The following SCAMP1 variants were observed in gnomAD, a reference collection of about 807,000 sequenced individuals.
SCAMP1 encodes the protein secretory carrier membrane protein 1, also known as secretory carrier-associated membrane protein 1.
A neutral mutation model predicts 41.8 loss-of-function variants in SCAMP1; 15 were observed. The observed-to-expected ratio is 0.36, with a 90% CI of 0.24 to 0.55. The LOEUF (loss-of-function observed/expected upper bound fraction) is 0.55. Ranked by LOEUF, SCAMP1 falls within the 20% of genes least tolerant of loss-of-function variation. The probability of loss-of-function intolerance (pLI) is 0.86; values close to 1 mark genes in which losing one functional copy is unlikely to be tolerated. For synonymous variants in SCAMP1, 135 were observed against 136.8 expected, an observed-to-expected ratio of 0.99 and a Z score of 0.09; for missense variants, 341 against 412.6, an observed-to-expected ratio of 0.83 and a Z score of 1.50.
At chr5:78,404,456 T>TTTTTTTTG (rs1751882470) in intron 2 of SCAMP1, among the ~76,000 whole-genome samples, 3 of 141,540 alleles carry the variant, frequency 2.1e-5, no homozygotes, top group Non-Finnish European at 4.5e-5. Context: ...CTTACAGGTT[T>TTTTTTTTG]TTTTTTTTTT....
chr5:78,387,788 CA>C (rs1349226022), intron 1 of SCAMP1, among the ~76,000 whole-genome samples: 3 of 152,170 alleles, frequency 2.0e-5, no homozygotes, highest in Admixed American at 1.3e-4. Context: ...GGACTGTCTG[CA>C]AAGAGTCCTG....
At chr5:78,457,871 A>G (rs59827497) in intron 7 of SCAMP1, 41,659 of 154,328 alleles carry the variant, frequency 0.27, 5,945 homozygotes, top group East Asian at 0.54. Flanking sequence ...AGCCAGGTGC[A>G]GGATATAATC....
chr5:78,460,450 G>C (rs1164633453), intron 8 of SCAMP1, among the ~76,000 whole-genome samples: 1 of 152,046 alleles, frequency 6.6e-6, no homozygotes, highest in Non-Finnish European at 1.5e-5. Context: ...TAGCCATTTT[G>C]ACTGGTGTGA....
chr5:78,452,637 T>G (rs371680390), intron 7 of SCAMP1, among the ~76,000 whole-genome samples: 1 of 151,048 alleles, frequency 6.6e-6, no homozygotes, highest in African/African-American at 2.4e-5. Context: ...TGAATAATGC[T>G]GCAATAAACA....
chr5:78,447,728 A>G (rs1407409881), intron 6 of SCAMP1, among the ~76,000 whole-genome samples: 2 of 152,190 alleles, frequency 1.3e-5, no homozygotes, highest in Non-Finnish European at 2.9e-5. Context: ...CAAGATATAT[A>G]AAAGAACAAG....
At chr5:78,452,272 G>A (rs1475685829) in intron 7 of SCAMP1, among the ~76,000 whole-genome samples, 1 of 147,580 alleles carries the variant, frequency 6.8e-6, no homozygotes, top group African/African-American at 2.5e-5. Flanking sequence ...CCATGCTGGT[G>A]CGCTGCACCC....
intron 7 of SCAMP1, among the ~76,000 whole-genome samples, chr5:78,450,573 T>A (rs536477605): frequency 2.9e-4 from 44 of 152,332 alleles, no homozygotes; most frequent in African/African-American, 1.0e-3. Flanking sequence ...GGAGACTATC[T>A]GGACCCAGGC....
intron 5 of SCAMP1, among the ~76,000 whole-genome samples, chr5:78,419,901 C>G (rs1354843438): frequency 3.3e-5 from 5 of 152,144 alleles, no homozygotes; most frequent in Non-Finnish European, 5.9e-5. Flanking sequence ...GATCTAATAT[C>G]TTTTGCTGAA....
intron 6 of SCAMP1, among the ~76,000 whole-genome samples, chr5:78,435,284 G>C (rs910391371): frequency 6.6e-6 from 1 of 152,058 alleles, no homozygotes; most frequent in African/African-American, 2.4e-5. Flanking sequence ...AGTGCACAAC[G>C]TGCAGGTTTG....
At chr5:78,386,698 A>T (rs544610472) in intron 1 of SCAMP1, among the ~76,000 whole-genome samples, 11 of 152,104 alleles carry the variant, frequency 7.2e-5, no homozygotes, top group Non-Finnish European at 1.5e-4. Flanking sequence ...GGAAAAAAGT[A>T]TGTATCCTTC....
In SCAMP1 at chr5:78,421,090, A is replaced by G. The variant is rs2112146755; in HGVS notation, c.473-711A>G. 2.0e-5 allele frequency among the ~76,000 whole-genome samples: 3 copies of G among 152,332 alleles called. No homozygotes were observed. The Middle Eastern group carries it at 0.01, about 518-fold the overall frequency. ...TAGGATCATGGTATAGTTAGATGTTACTCAGATTTTTTGTTTTTGGTCTGT... is the reference window on the plus strand; with the variant it reads ...TAGGATCATGGTATAGTTAGATGTTGCTCAGATTTTTTGTTTTTGGTCTGT... On this transcript the variant is annotated intron_variant, in intron 5 of 8. Transcript: ENST00000621999.
Position 78,382,804 on chromosome 5 carries a change from TGTGTGTGTGTGTGTGC to T in SCAMP1, c.58-6031_58-6016del, listed in dbSNP as rs1287494720. ...GTGTGTGTGTGTGTGTGTGTGTGTG[TGTGTGTGTGTGTGTGC>T]GCCACATTTTCTGTATCCACTCGTT... is the stretch of plus-strand genomic sequence containing the variant. On this transcript the variant is annotated intron_variant, in intron 1 of 8. Transcript: ENST00000621999. 1.2e-3 allele frequency among the ~76,000 whole-genome samples: 166 copies of T among 136,120 alleles called. 2 individuals carry two copies. Among genetic ancestry groups the T allele is most frequent in the Middle Eastern group, 3.7e-3 (1 of 270 alleles). The allele number at this position is 136,120 out of a possible 152,430, so 89.3% of individuals were successfully genotyped here. A position where few individuals can be genotyped will look rare whatever the true frequency, so the allele number is the denominator to read the frequency against.
chr5:78,371,936 T>G (rs1228308509), intron 1 of SCAMP1, among the ~76,000 whole-genome samples: 2 of 152,148 alleles, frequency 1.3e-5, no homozygotes, highest in Non-Finnish European at 2.9e-5. Context: ...GAAGGAGGGA[T>G]TTGTGATAGT....
intron 2 of SCAMP1, among the ~76,000 whole-genome samples, chr5:78,403,980 A>AAAAAAAAG (rs1561262510): frequency 7.5e-6 from 1 of 133,710 alleles, no homozygotes; most frequent in Non-Finnish European, 1.6e-5. Context: ...AAAAAAAAAA[A>AAAAAAAAG]GGGATGGTGG....
chr5:78,446,933 C>T (rs1477484587), intron 6 of SCAMP1, among the ~76,000 whole-genome samples: 1 of 152,192 alleles, frequency 6.6e-6, no homozygotes, highest in Non-Finnish European at 1.5e-5. Context: ...TGGGCTTGTA[C>T]TGGCCAGTGA....
rs1466734435 is a variant in SCAMP1, at chr5:78,477,787, A to G, written c.*2119A>G. ...AGAGAAAATTGTTTTTTAAAAATATATGTGCATTGAAATGATGGCAATGCT... is the reference window on the plus strand; with the variant it reads ...AGAGAAAATTGTTTTTTAAAAATATGTGTGCATTGAAATGATGGCAATGCT... On this transcript the variant is annotated 3_prime_UTR_variant, in exon 9 of 9. Coordinates refer to ENST00000621999, the MANE Select transcript of SCAMP1 (RefSeq NM_004866.6). 6.6e-6 allele frequency: 1 copy of G among 152,140 alleles called. No homozygotes were observed. Among genetic ancestry groups the G allele is most frequent in the Non-Finnish European group, 1.5e-5 (1 of 67,980 alleles). The allele number at this position is 152,140 out of a possible 1,614,324, so 9.4% of individuals were successfully genotyped here.
chr5:78,403,875 G>C (rs2885616), intron 2 of SCAMP1, among the ~76,000 whole-genome samples: 67,084 of 144,670 alleles, frequency 0.46, 15,888 homozygotes, highest in Non-Finnish European at 0.51. Flanking sequence ...TGAGGCAGGA[G>C]AATTGTTTGA....
Position 78,459,305 on chromosome 5 carries a change from A to T in SCAMP1, c.795A>T (p.Ile265=). The change falls in exon 8 of 9, where the codon ATA becomes ATT. Residue 265 remains isoleucine (I), a synonymous_variant. Transcript: ENST00000621999. ...ATATTCCTGTTGGAATCATGATGAT[A>T]ATCATAGCAGCACTTTTCACAGCAT... ...NQNIPVGIMM[I]IIAALFTASA... 6.2e-7 allele frequency: 1 copy of T among 1,609,196 alleles called. No individual in the cohort carries two copies. The highest frequency in any genetic ancestry group is 8.5e-7 in the Non-Finnish European group (1 of 1,176,074).
At chr5:78,397,926 ATAATC>A (rs1302666209) in intron 2 of SCAMP1, among the ~76,000 whole-genome samples, 1 of 152,268 alleles carries the variant, frequency 6.6e-6, no homozygotes, top group Non-Finnish European at 1.5e-5. Context: ...TAGGATATCT[ATAATC>A]AAAGAGTCAG....
Sources: allele counts gnomAD v4.1 joint callset (sites outside exome capture counted in the v4.1 genomes callset), GRCh38; gene constraint gnomAD v4.1.1; transcripts MANE v1.5; gene names NCBI Gene and HGNC (gene_info 2026-07-23, HGNC 2026-07-21).